MED27: variants seen among roughly 807,000 people sequenced by gnomAD.
MED27 encodes mediator of RNA polymerase II transcription subunit 27.
MED27 carries 30 observed loss-of-function variants against 38.2 expected under a neutral mutation model. The ratio of observed to expected loss-of-function variants is 0.79; its 90% CI spans 0.59 to 1.07. The LOEUF is 1.07. Ranked by LOEUF, MED27 falls within the 50% of genes least tolerant of loss-of-function variation. MED27 has a pLI of 0.00. For missense variants in MED27, 289 were observed against 397.5 expected, an observed-to-expected ratio of 0.73 and a Z score of 2.32; for synonymous variants, 122 against 153.5, an observed-to-expected ratio of 0.79 and a Z score of 1.52.
At chr9:132,006,429 C>T (rs532196387) in intron 3 of MED27, among the ~76,000 whole-genome samples, 23 of 152,276 alleles carry the variant, frequency 1.5e-4, no homozygotes, top group African/African-American at 4.8e-4. Context: ...CCTGTCCCTT[C>T]AAAGTTGAAG....
At chr9:131,952,700 C>T (rs1244719024) in intron 3 of MED27, among the ~76,000 whole-genome samples, 1 of 152,104 alleles carries the variant, frequency 6.6e-6, no homozygotes, top group African/African-American at 2.4e-5. Context: ...CTGGCTACAA[C>T]CCTCATCATA....
intron 6 of MED27, among the ~76,000 whole-genome samples, chr9:131,882,783 G>A (rs933924946): frequency 1.2e-4 from 19 of 152,138 alleles, no homozygotes; most frequent in African/African-American, 4.1e-4. Context: ...GCCCCCTTGT[G>A]TTTCCTGGCC....
chr9:131,977,662 T>G (rs144744203), intron 3 of MED27, among the ~76,000 whole-genome samples: 116 of 152,300 alleles, frequency 7.6e-4, no homozygotes, highest in Non-Finnish European at 1.5e-3. Flanking sequence ...GGGGCTGCTC[T>G]TGGTTCATGT....
At chr9:131,929,232 C>T (rs1329564350) in intron 4 of MED27, among the ~76,000 whole-genome samples, 3 of 152,196 alleles carry the variant, frequency 2.0e-5, no homozygotes, top group Admixed American at 1.3e-4. Flanking sequence ...AGGTGGTATG[C>T]CGTGGGCCTT....
chr9:132,060,429 A>G (rs1833672345), intron 2 of MED27, among the ~76,000 whole-genome samples: 3 of 152,194 alleles, frequency 2.0e-5, no homozygotes, highest in African/African-American at 7.2e-5. Flanking sequence ...CCAACTCTCA[A>G]AGGCCTTTCT....
chr9:131,919,008 CAG>C (rs1401424933), intron 4 of MED27, among the ~76,000 whole-genome samples: 1 of 152,132 alleles, frequency 6.6e-6, no homozygotes, highest in Non-Finnish European at 1.5e-5. Context: ...CTGCGGGGTT[CAG>C]AGGTTTCCTG....
At chr9:131,882,197 C>T (rs533024613) in intron 6 of MED27, among the ~76,000 whole-genome samples, 4 of 152,282 alleles carry the variant, frequency 2.6e-5, no homozygotes, top group African/African-American at 4.8e-5. Context: ...TAATCCTAGA[C>T]GCCTGTCCTC....
At chr9:131,940,082 T>G (rs1163846898) in intron 3 of MED27, among the ~76,000 whole-genome samples, 1 of 151,766 alleles carries the variant, frequency 6.6e-6, no homozygotes, top group Non-Finnish European at 1.5e-5. Context: ...ACTTTTTATA[T>G]TTTTAGTAGA....
intron 3 of MED27, 97 bp downstream of exon 3, chr9:132,014,240 A>C: frequency 7.5e-7 from 1 of 1,329,726 alleles, no homozygotes; most frequent in Non-Finnish European, 1.0e-6. Flanking sequence ...GAGGGAGGGA[A>C]TTTTGAAGAA....
At chr9:132,001,763 C>T (rs1481367790) in intron 3 of MED27, among the ~76,000 whole-genome samples, 4 of 152,214 alleles carry the variant, frequency 2.6e-5, no homozygotes, top group East Asian at 1.9e-4. Flanking sequence ...ATTCCCCCCA[C>T]AATGCTCATT....
chr9:131,958,517 A>C (rs1446354672), intron 3 of MED27, among the ~76,000 whole-genome samples: 1 of 152,198 alleles, frequency 6.6e-6, no homozygotes, highest in African/African-American at 2.4e-5. Context: ...AAATGTTGGG[A>C]TTACAGGCGT....
At chr9:131,940,174 G>A (rs1324310128) in intron 3 of MED27, among the ~76,000 whole-genome samples, 7 of 151,748 alleles carry the variant, frequency 4.6e-5, no homozygotes, top group African/African-American at 1.5e-4. Flanking sequence ...CAAAGTGCTG[G>A]GATTATAAGC....
chr9:131,880,531 A>C (rs1939112485), intron 6 of MED27, among the ~76,000 whole-genome samples: 2 of 152,246 alleles, frequency 1.3e-5, no homozygotes, highest in African/African-American at 4.8e-5. Context: ...GCGATGATAA[A>C]GGAATCTCAG....
chr9:132,075,569 T>C lies in MED27; in HGVS notation c.348+1873A>G, dbSNP rs114246567. Among the ~76,000 whole-genome samples the C allele has an allele frequency of 3.6e-3, 553 of 152,256 alleles. 1 individual carries two copies. Among genetic ancestry groups the C allele is most frequent in the African/African-American group, 0.012 (487 of 41,534 alleles). ...TTCCACTGTGGGGCAAGGGTGGGGGTTGAAGTAGGAACTTCTAATAGTAGA... is the reference window on the plus strand; with the variant it reads ...TTCCACTGTGGGGCAAGGGTGGGGGCTGAAGTAGGAACTTCTAATAGTAGA... On this transcript the variant is annotated intron_variant, in intron 2 of 7. Coordinates refer to ENST00000292035, the MANE Select transcript of MED27 (RefSeq NM_004269.4).
chr9:132,020,207 C>T (rs967034789), intron 2 of MED27, among the ~76,000 whole-genome samples: 5 of 152,120 alleles, frequency 3.3e-5, no homozygotes, highest in African/African-American at 1.2e-4. Context: ...TCTGTTTCTA[C>T]TGAAGAATTC....
chr9:131,879,438 A>C (rs895391481), intron 6 of MED27, among the ~76,000 whole-genome samples: 4 of 152,228 alleles, frequency 2.6e-5, no homozygotes, highest in African/African-American at 9.6e-5. Flanking sequence ...ATGAAGGCCT[A>C]GGAGAGGGAG....
chr9:132,065,379 G>A (rs538045419), intron 2 of MED27, among the ~76,000 whole-genome samples: 3 of 152,344 alleles, frequency 2.0e-5, no homozygotes, highest in South Asian at 4.1e-4. Context: ...GAAAGGAGAA[G>A]AGCGGCGGGC....
chr9:131,910,623 A>G (rs1176471920), intron 4 of MED27, among the ~76,000 whole-genome samples: 1 of 152,158 alleles, frequency 6.6e-6, no homozygotes, highest in African/African-American at 2.4e-5. Flanking sequence ...GGGAATCCTC[A>G]CGGATTTGAA....
At chr9:132,041,537 G>A (rs1295979110) in intron 2 of MED27, among the ~76,000 whole-genome samples, 4 of 152,182 alleles carry the variant, frequency 2.6e-5, no homozygotes, top group Non-Finnish European at 2.9e-5. Context: ...GAGCTCAGTC[G>A]CTCCCCATCT....
Sources: allele counts gnomAD v4.1 joint callset (sites outside exome capture counted in the v4.1 genomes callset), GRCh38; gene constraint gnomAD v4.1.1; transcripts MANE v1.5; gene names NCBI Gene and HGNC (gene_info 2026-07-23, HGNC 2026-07-21).